Variants in FRMD6 observed in about 807,000 individuals in gnomAD.
FRMD6 encodes FERM domain containing 6.
Under a neutral mutation model 73.2 loss-of-function variants are expected in FRMD6, and 37 were observed. The ratio of observed to expected loss-of-function variants is 0.51; its 90% CI spans 0.39 to 0.66. The LOEUF (loss-of-function observed/expected upper bound fraction) is 0.66, where lower values mean the gene tolerates loss of function less well. Among genes scored for constraint, FRMD6 ranks in the 30% least tolerant of loss-of-function variants. The pLI, the probability that FRMD6 is intolerant of heterozygous loss-of-function variation, is 0.00. For missense variants in FRMD6, 714 were observed against 780.5 expected (o/e 0.91, Z 1.02); for synonymous variants, 273 against 282.2 (o/e 0.97, Z 0.33).
chr14:51,574,670 G>C (rs1888310899), intron 2 of FRMD6, among the ~76,000 whole-genome samples: 1 of 152,120 alleles, frequency 6.6e-6, no homozygotes, highest in Admixed American at 6.5e-5. Flanking sequence ...CAGAGGTTGG[G>C]AAGGGTAGTG....
intron 1 of FRMD6, among the ~76,000 whole-genome samples, chr14:51,556,624 A>G (rs889002146): frequency 6.6e-6 from 1 of 152,188 alleles, no homozygotes; most frequent in Non-Finnish European, 1.5e-5. Context: ...GGCCTTAGGC[A>G]AAGTTTCTGT....
chr14:51,722,419 T>C (rs1897678894), intron 12 of FRMD6, among the ~76,000 whole-genome samples: 1 of 152,244 alleles, frequency 6.6e-6, no homozygotes, highest in Non-Finnish European at 1.5e-5. Flanking sequence ...GGCCTCCTTT[T>C]TACAGATAAG....
chr14:51,648,047 A>G (rs1040451140), upstream of FRMD6, among the ~76,000 whole-genome samples: 4 of 152,034 alleles, frequency 2.6e-5, no homozygotes, highest in African/African-American at 7.3e-5. Context: ...CTGGTCTCGA[A>G]CTCCTGACCT....
At chr14:51,661,518 T>G (rs1893218531) in intron 1 of FRMD6, among the ~76,000 whole-genome samples, 1 of 152,174 alleles carries the variant, frequency 6.6e-6, no homozygotes, top group Non-Finnish European at 1.5e-5. Flanking sequence ...ATGCTTCATC[T>G]TTTAGAGGTT....
At chr14:51,502,149 G>A (rs905282981) in intron 1 of FRMD6, among the ~76,000 whole-genome samples, 1 of 152,004 alleles carries the variant, frequency 6.6e-6, no homozygotes, top group Admixed American at 6.6e-5. Flanking sequence ...TCTGTAGATT[G>A]TCTGTTCACT....
chr14:51,672,298 ATGCCCG>A (rs1420938859), intron 1 of FRMD6, among the ~76,000 whole-genome samples: 1 of 152,172 alleles, frequency 6.6e-6, no homozygotes, highest in East Asian at 1.9e-4. Flanking sequence ...TAGCAGAAAA[ATGCCCG>A]TGAAAGCTTC....
intron 1 of FRMD6, among the ~76,000 whole-genome samples, chr14:51,492,386 C>G (rs748392630): frequency 6.6e-6 from 1 of 152,066 alleles, no homozygotes; most frequent in Non-Finnish European, 1.5e-5. Flanking sequence ...TATCTATAGG[C>G]AAATCTTCTG....
chr14:51,486,460 T>C (rs758553447), upstream of FRMD6, among the ~76,000 whole-genome samples: 59 of 152,220 alleles, frequency 3.9e-4, no homozygotes, highest in Non-Finnish European at 7.8e-4. Flanking sequence ...AGAGTTTTTA[T>C]GTGCATTCAA....
chr14:51,586,156 C>T (rs1181362358), intron 2 of FRMD6, among the ~76,000 whole-genome samples: 1 of 151,368 alleles, frequency 6.6e-6, no homozygotes, highest in East Asian at 1.9e-4. Context: ...GAGAAATCTC[C>T]ATACTGTTTT....
intron 2 of FRMD6, among the ~76,000 whole-genome samples, chr14:51,643,266 G>C (rs79466437): frequency 0.023 from 3,472 of 152,254 alleles, 143 homozygotes; most frequent in African/African-American, 0.08. Flanking sequence ...AGAGTGGCAG[G>C]ATTTCAGAGT....
At chr14:51,588,909 GC>G (rs1332069656) in intron 2 of FRMD6, among the ~76,000 whole-genome samples, 1 of 152,150 alleles carries the variant, frequency 6.6e-6, no homozygotes, top group Non-Finnish European at 1.5e-5. Flanking sequence ...GTGCGCCACG[GC>G]TGATGCCATG....
At chr14:51,417,530 C>G in the FRMD6 span, among the ~76,000 whole-genome samples, 2 of 152,254 alleles carry the variant, frequency 1.3e-5, no homozygotes, top group African/African-American at 4.8e-5. Context: ...CGCTGTTAAT[C>G]TGATGGGCTT....
At chr14:51,488,381 C>G (rs1323559307), upstream of FRMD6, among the ~76,000 whole-genome samples, 1 of 152,198 alleles carries the variant, frequency 6.6e-6, no homozygotes, top group Non-Finnish European at 1.5e-5. Context: ...AGATGGTGTT[C>G]TGTTATTGTG....
intron 1 of FRMD6, among the ~76,000 whole-genome samples, chr14:51,666,562 A>G (rs1893608752): frequency 6.6e-6 from 1 of 152,206 alleles, no homozygotes; most frequent in African/African-American, 2.4e-5. Context: ...TGGGAATTGC[A>G]ACAGGACTGA....
chr14:51,423,764 A>G, the FRMD6 span, among the ~76,000 whole-genome samples: 4 of 152,234 alleles, frequency 2.6e-5, no homozygotes, highest in South Asian at 6.2e-4. Flanking sequence ...TCATCTATTT[A>G]TCTGACATTT....
the FRMD6 span, among the ~76,000 whole-genome samples, chr14:51,425,323 G>A: frequency 6.6e-6 from 1 of 152,162 alleles, no homozygotes; most frequent in South Asian, 2.1e-4. Context: ...ACCCCCTGAG[G>A]ATTCCCAGGA....
chr14:51,429,038 A>AGATGGTGGGAGAGAGAGGGG, the FRMD6 span, among the ~76,000 whole-genome samples: 1 of 133,270 alleles, frequency 7.5e-6, no homozygotes, highest in Non-Finnish European at 1.7e-5. Context: ...GAGGGGAGAG[A>AGATGGTGGGAGAGAGAGGGG]AAAGAAAAGG....
the FRMD6 span, among the ~76,000 whole-genome samples, chr14:51,437,987 T>G: frequency 1.3e-5 from 2 of 152,154 alleles, no homozygotes; most frequent in Admixed American, 1.3e-4. Context: ...GCTCAGAGAG[T>G]ACACCATGTC....
intron 2 of FRMD6, among the ~76,000 whole-genome samples, chr14:51,573,190 G>C (rs59851125): frequency 0.023 from 3,476 of 152,276 alleles, 118 homozygotes; most frequent in African/African-American, 0.074. Context: ...GATAAAGGGG[G>C]GTTATGCATC....
Sources: gnomAD v4.1 joint callset for allele counts (sites outside exome capture counted in the v4.1 genomes callset) on GRCh38, gnomAD v4.1.1 for gene constraint, MANE v1.5 for transcripts, NCBI Gene and HGNC (gene_info 2026-07-23, HGNC 2026-07-21) for gene names.